The following NSD2 variants were observed in gnomAD, a reference collection of about 807,000 sequenced individuals.
NSD2 encodes histone-lysine N-methyltransferase NSD2.
NSD2 carries 12 observed loss-of-function variants against 139.0 expected under a neutral mutation model. That is an observed-to-expected ratio of 0.09 (90% CI 0.06 to 0.14). NSD2 has a LOEUF of 0.14. NSD2 is among the 10% of genes least tolerant of loss of function. The pLI is 1.00. For synonymous variants in NSD2, 669 were observed against 648.7 expected (o/e 1.03, Z -0.48); for missense variants, 1,155 against 1,745.0 (o/e 0.66, Z 6.02).
At chr4:1,888,150 C>T (rs1004980326) in intron 1 of NSD2, among the ~76,000 whole-genome samples, 5 of 152,064 alleles carry the variant, frequency 3.3e-5, no homozygotes, top group African/African-American at 7.2e-5. Context: ...CGGTGGCTCA[C>T]GCCTGTAATC....
At chr4:1,977,905 T>C (rs1480875385) in intron 21 of NSD2, among the ~76,000 whole-genome samples, 1 of 151,854 alleles carries the variant, frequency 6.6e-6, no homozygotes, top group African/African-American at 2.4e-5. Flanking sequence ...GGTGGATGGA[T>C]CACTTGAGGT....
chr4:1,911,264 A>G (rs988288951), intron 3 of NSD2, among the ~76,000 whole-genome samples: 10 of 152,088 alleles, frequency 6.6e-5, no homozygotes, highest in Non-Finnish European at 1.3e-4. Context: ...GCATTTTTAT[A>G]CAGATGGTGA....
chr4:1,893,238 C>T (rs1019567484), intron 1 of NSD2, among the ~76,000 whole-genome samples: 5 of 152,256 alleles, frequency 3.3e-5, no homozygotes, highest in East Asian at 1.9e-4. Context: ...GAGTCCGAGA[C>T]GGGTAGATCA....
chr4:1,929,072 C>A (rs958613615), intron 5 of NSD2, among the ~76,000 whole-genome samples: 6 of 151,952 alleles, frequency 3.9e-5, no homozygotes, highest in African/African-American at 1.2e-4. Flanking sequence ...GTGGGAGGTC[C>A]CAGGCAGTTA....
chr4:1,943,068 C>T (rs918446620), intron 9 of NSD2: 1 of 1,049,952 alleles, frequency 9.5e-7, no homozygotes, highest in Admixed American at 5.5e-5. Context: ...AGGTTATGTA[C>T]ACCAACCTCT....
At position 1,981,488 on chromosome 4, in the gene NSD2, T is replaced by A. The variant is rs1332285896; in HGVS notation, c.*2579T>A. 1 of 251,004 alleles carries A rather than the reference T, an allele frequency of 4.0e-6. No individual in the cohort carries two copies. The highest frequency in any genetic ancestry group is 7.6e-6 in the Non-Finnish European group (1 of 130,742). The allele number at this position is 251,004 out of a possible 1,614,324, so 15.5% of individuals were successfully genotyped here. Reference sequence around the variant, plus strand: ...AACCGCCCCAATCCCTCAGGATTCCTTGGCATCCGAAACCAGCATCTGCAC... The same window carrying A: ...AACCGCCCCAATCCCTCAGGATTCCATGGCATCCGAAACCAGCATCTGCAC... On this transcript the variant is annotated 3_prime_UTR_variant, in exon 22 of 22. Transcript: ENST00000508803.
intron 3 of NSD2, among the ~76,000 whole-genome samples, chr4:1,915,339 T>A (rs2108795350): frequency 6.6e-6 from 1 of 152,096 alleles, no homozygotes; most frequent in Non-Finnish European, 1.5e-5. Context: ...TGGTCTCGAT[T>A]TCCTGACCTC....
chr4:1,883,837 G>A (rs778222632), intron 1 of NSD2, among the ~76,000 whole-genome samples: 31 of 152,164 alleles, frequency 2.0e-4, no homozygotes, highest in Non-Finnish European at 3.1e-4. Context: ...GATAAGAAGC[G>A]AGTGTGGCCC....
chr4:1,943,867 C>T (rs1478732651), intron 9 of NSD2: 1 of 1,063,058 alleles, frequency 9.4e-7, no homozygotes, highest in African/African-American at 1.6e-5. Context: ...TTTGAAATTA[C>T]AGCATGATGA....
At chr4:1,947,912 CAG>C in intron 9 of NSD2, 3 of 1,056,138 alleles carry the variant, frequency 2.8e-6, no homozygotes. Flanking sequence ...TTTGCAGTCA[CAG>C]AAGGTGGCAT....
At chr4:1,944,120 G>A in intron 9 of NSD2, 1 of 1,066,392 alleles carries the variant, frequency 9.4e-7, no homozygotes, top group Non-Finnish European at 1.1e-6. Flanking sequence ...GGGACATTGG[G>A]AAGGTGGGCA....
At chr4:1,937,417 A>AT (rs1722530833) in intron 7 of NSD2, among the ~76,000 whole-genome samples, 1 of 152,180 alleles carries the variant, frequency 6.6e-6, no homozygotes, top group African/African-American at 2.4e-5. Flanking sequence ...GTTTTGAAAT[A>AT]TTTGTGTAAA....
At chr4:1,917,669 T>C (rs1234257573) in intron 4 of NSD2, among the ~76,000 whole-genome samples, 1 of 152,136 alleles carries the variant, frequency 6.6e-6, no homozygotes, top group Non-Finnish European at 1.5e-5. Context: ...ACTCCTGACC[T>C]CAGGTGATGT....
chr4:1,913,574 A>T (rs750222558), intron 3 of NSD2, among the ~76,000 whole-genome samples: 5 of 152,236 alleles, frequency 3.3e-5, no homozygotes, highest in Admixed American at 3.3e-4. Context: ...TGAGAAATGC[A>T]TAGAAGAAAT....
At position 1,974,198 on chromosome 4, in the gene NSD2, T is replaced by C. The variant is rs1003486993; in HGVS notation, c.3373-665T>C. On this transcript the variant is annotated intron_variant, in intron 18 of 21. Transcript: ENST00000508803. The surrounding 1 kb of genome is among the most constrained non-coding windows in gnomAD (Gnocchi z 4.0). ...ATTGTTTCTTTGCATCCTTTGCTGG[T>C]TTTCGGTTGGGTGAGTCTTTTTTTT... Among the ~76,000 whole-genome samples, 3 of 151,896 alleles carry C rather than the reference T, an allele frequency of 2.0e-5. No individual in the cohort carries two copies. The highest frequency in any genetic ancestry group is 6.6e-5 in the Admixed American group (1 of 15,258).
chr4:1,942,974 T>A lies in NSD2; in HGVS notation c.1881+3196T>A, dbSNP rs1419293245. ...TATGACACTAGATACAGTAAATTTT[T>A]AGAAAAAAATACCATTTACAGTATT... On this transcript the variant is annotated intron_variant, in intron 9 of 21. Coordinates refer to ENST00000508803, the MANE Select transcript of NSD2 (RefSeq NM_001042424.3). The surrounding 1 kb of genome is among the most constrained non-coding windows in gnomAD (Gnocchi z 4.0). 9.5e-7 allele frequency: 1 copy of A among 1,051,282 alleles called. No individual in the cohort carries two copies. The highest frequency in any genetic ancestry group is 1.7e-5 in the African/African-American group (1 of 60,252). 65.1% of individuals were successfully genotyped at this position (1,051,282 alleles called of 1,614,324 possible).
chr4:1,904,437 C>A, intron 3 of NSD2, 59 bp downstream of exon 3: 1 of 1,522,496 alleles, frequency 6.6e-7, no homozygotes, highest in Non-Finnish European at 8.9e-7. Context: ...TCTTTCTCAT[C>A]TCCAGGCTTC....
Position 1,955,353 on chromosome 4 carries a change from G to A in NSD2, c.2518+13G>A. 6.2e-7 allele frequency: 1 copy of A among 1,602,782 alleles called. No individual in the cohort carries two copies. The highest frequency in any genetic ancestry group is 8.5e-7 in the Non-Finnish European group (1 of 1,172,376). On this transcript the variant is annotated intron_variant, in intron 13 of 21. Transcript: ENST00000508803. This position sits in a 1 kb window ranked among gnomAD's most constrained non-coding sequence, Gnocchi z 4.7. ...GTGTGCTCCAAAGGTGAGGGGCCTG[G>A]GGGTGTCTGCGGCACACGCCTCTCA... is the stretch of plus-strand genomic sequence containing the variant.
chr4:1,882,520 T>G (rs1217365027), intron 1 of NSD2, among the ~76,000 whole-genome samples: 2 of 152,032 alleles, frequency 1.3e-5, no homozygotes, highest in African/African-American at 4.8e-5. Context: ...AAAAATTATC[T>G]GGGCGTGGTG....
Sources: allele counts gnomAD v4.1 joint callset (sites outside exome capture counted in the v4.1 genomes callset), GRCh38; gene constraint gnomAD v4.1.1; non-coding constraint Gnocchi (gnomAD v3.1); transcripts MANE v1.5; gene names NCBI Gene and HGNC (gene_info 2026-07-23, HGNC 2026-07-21).